Variants in CEP57L1 observed in about 807,000 individuals in gnomAD.
CEP57L1 encodes centrosomal protein 57 like 1, also known as centrosomal protein CEP57L1.
CEP57L1 carries 37 observed loss-of-function variants against 61.0 expected under a neutral mutation model. That is an observed-to-expected ratio of 0.61 (90% confidence interval 0.47 to 0.80). The LOEUF (loss-of-function observed/expected upper bound fraction) is 0.80. Among genes scored for constraint, CEP57L1 ranks in the 30% least tolerant of loss-of-function variants. CEP57L1 has a pLI of 0.00. For synonymous variants in CEP57L1, 137 were observed against 162.3 expected (o/e 0.84, Z 1.19); for missense variants, 422 against 524.7 (o/e 0.80, Z 1.91).
At chr6:109,104,414 G>A (rs886565601) in intron 1 of CEP57L1, among the ~76,000 whole-genome samples, 9 of 152,002 alleles carry the variant, frequency 5.9e-5, no homozygotes, top group Non-Finnish European at 5.9e-5. Flanking sequence ...TCATAAATTC[G>A]GAGAAGTGGA....
chr6:109,171,890 A>G lies in CEP57L1; in HGVS notation c.*8920A>G, dbSNP rs984005441. 1.3e-5 allele frequency among the ~76,000 whole-genome samples: 2 copies of G among 152,156 alleles called. No homozygotes were observed. The highest frequency in any genetic ancestry group is 2.9e-5 in the Non-Finnish European group (2 of 68,032). On this transcript the variant is annotated 3_prime_UTR_variant, in exon 11 of 11. Transcript: ENST00000517392. ...ATTTACAGGAAAGGCTCAAGGTTTC[A>G]TTTACATGGGAAATGAGAACTAGAC... is the stretch of plus-strand genomic sequence containing the variant.
rs942819844 is a variant in CEP57L1, at chr6:109,166,965, A to G, written c.*3995A>G. ...GATAAGTATAAGCTGACACTCAGAC[A>G]TATGACAAGACAACCTTCACTAAGG... On this transcript the variant is annotated 3_prime_UTR_variant, in exon 11 of 11. Transcript: ENST00000517392. 1.3e-5 allele frequency among the ~76,000 whole-genome samples: 2 copies of G among 152,240 alleles called. No homozygotes were observed. The highest frequency in any genetic ancestry group is 4.8e-5 in the African/African-American group (2 of 41,470).
chr6:109,121,296 T>C (rs1461395655), intron 1 of CEP57L1, among the ~76,000 whole-genome samples: 2 of 152,186 alleles, frequency 1.3e-5, no homozygotes, highest in Admixed American at 1.3e-4. Flanking sequence ...ACAATGAAAT[T>C]TGCAGTTTTA....
At chr6:109,116,127 G>GTGTTGTGTTA (rs1337661297) in intron 1 of CEP57L1, among the ~76,000 whole-genome samples, 6 of 135,372 alleles carry the variant, frequency 4.4e-5, no homozygotes, top group Admixed American at 7.6e-5. Context: ...GTTATGTGTT[G>GTGTTGTGTTA]TGTTATGTTA....
At chr6:109,110,290 A>G (rs1162138204) in intron 1 of CEP57L1, among the ~76,000 whole-genome samples, 1 of 152,194 alleles carries the variant, frequency 6.6e-6, no homozygotes, top group Non-Finnish European at 1.5e-5. Context: ...TCTAATGACC[A>G]GTGATGATGA....
At chr6:109,132,172 A>T (rs567791417) in intron 1 of CEP57L1, among the ~76,000 whole-genome samples, 1 of 152,306 alleles carries the variant, frequency 6.6e-6, no homozygotes, top group East Asian at 1.9e-4. Flanking sequence ...GTGCCTCAGG[A>T]TCCTAGCAGA....
rs1214214621 is a variant in CEP57L1 at position 109,164,497 on chromosome 6, A to G, written c.*1527A>G. Among the ~76,000 whole-genome samples, 1 of 152,060 alleles carries G rather than the reference A, an allele frequency of 6.6e-6. No homozygotes were observed. Among genetic ancestry groups the G allele is most frequent in the African/African-American group, 2.4e-5 (1 of 41,432 alleles). On this transcript the variant is annotated 3_prime_UTR_variant, in exon 11 of 11. Transcript: ENST00000517392. ...CCAGCTTTCACTCCCACTCATTCACACCCTTAGCTCCTCAGCCCTGGAGAT... is the reference window on the plus strand; with the variant it reads ...CCAGCTTTCACTCCCACTCATTCACGCCCTTAGCTCCTCAGCCCTGGAGAT...
chr6:109,098,124 T>TTC (rs1235348073), intron 1 of CEP57L1, among the ~76,000 whole-genome samples: 1 of 151,878 alleles, frequency 6.6e-6, no homozygotes, highest in Admixed American at 6.6e-5. Context: ...ATGACTACTT[T>TTC]TCTCTCTCTC....
rs1182566062 is a variant in CEP57L1, at chr6:109,166,162, C to T, written c.*3192C>T. On this transcript the variant is annotated 3_prime_UTR_variant, in exon 11 of 11. Transcript: ENST00000517392. Reference sequence around the variant, plus strand: ...AGGTTGTAGATAAAGACAGGAGGGTCAGAGGGAAATGTTCAGTTTTCAACA... The same window carrying T: ...AGGTTGTAGATAAAGACAGGAGGGTTAGAGGGAAATGTTCAGTTTTCAACA... Among the ~76,000 whole-genome samples, 1 of 152,026 alleles carries T rather than the reference C, an allele frequency of 6.6e-6. No homozygotes were observed. The highest frequency in any genetic ancestry group is 6.5e-5 in the Admixed American group (1 of 15,268).
chr6:109,149,821 A>G lies in CEP57L1; in HGVS notation c.341-297A>G, dbSNP rs556680221. ...GAGCAGTGGTTTGTAGTTCTCCTTG[A>G]AGAGGTCCTTTATGTCCCTTGTAAG... On this transcript the variant is annotated intron_variant, in intron 3 of 10. Coordinates refer to ENST00000517392, the MANE Select transcript of CEP57L1 (RefSeq NM_001271852.3). Among the ~76,000 whole-genome samples the G allele has an allele frequency of 3.3e-5, 5 of 152,238 alleles. No individual in the cohort carries two copies. In the South Asian group the frequency reaches 8.3e-4, roughly 25 times the overall value.
intron 1 of CEP57L1, among the ~76,000 whole-genome samples, chr6:109,105,412 T>A (rs1052403468): frequency 1.3e-5 from 2 of 152,214 alleles, no homozygotes; most frequent in African/African-American, 4.8e-5. Context: ...GTATAGTGAA[T>A]ATTGGCATAG....
Position 109,153,823 on chromosome 6 carries a change from T to G in CEP57L1, c.463-10T>G. 1 of 1,571,174 alleles carries G rather than the reference T, an allele frequency of 6.4e-7. No homozygotes were observed. The highest frequency in any genetic ancestry group is 8.7e-7 in the Non-Finnish European group (1 of 1,146,398). On this transcript the variant is annotated splice_polypyrimidine_tract_variant and intron_variant, in intron 4 of 10. Transcript: ENST00000517392. ...ATTCAGGGTTGCTATTTTATTTTTATCCTTTCTAGGCCCAGCTTCAGAGGG... is the reference window on the plus strand; with the variant it reads ...ATTCAGGGTTGCTATTTTATTTTTAGCCTTTCTAGGCCCAGCTTCAGAGGG...
At chr6:109,106,815 C>T (rs1157093438) in intron 1 of CEP57L1, among the ~76,000 whole-genome samples, 1 of 152,092 alleles carries the variant, frequency 6.6e-6, no homozygotes, top group Non-Finnish European at 1.5e-5. Flanking sequence ...TGGCACACAC[C>T]TGTAATCCCA....
chr6:109,138,619 T>C (rs1770998991), intron 1 of CEP57L1, among the ~76,000 whole-genome samples: 1 of 152,232 alleles, frequency 6.6e-6, no homozygotes, highest in Admixed American at 6.5e-5. Flanking sequence ...TGGTTTATAT[T>C]CCTGTCAGCT....
At chr6:109,148,274 C>T (rs922121766) in intron 3 of CEP57L1, among the ~76,000 whole-genome samples, 5 of 151,990 alleles carry the variant, frequency 3.3e-5, no homozygotes, top group African/African-American at 1.2e-4. Context: ...CCCTCTCCCC[C>T]CACCCCACAA....
chr6:109,104,240 G>T (rs991856114), intron 1 of CEP57L1, among the ~76,000 whole-genome samples: 4 of 151,418 alleles, frequency 2.6e-5, no homozygotes, highest in African/African-American at 9.7e-5. Flanking sequence ...TCAAATTTTA[G>T]CTGGTGTATA....
chr6:109,135,435 A>G (rs1405323226), intron 1 of CEP57L1, among the ~76,000 whole-genome samples: 1 of 152,246 alleles, frequency 6.6e-6, no homozygotes, highest in Admixed American at 6.5e-5. Flanking sequence ...AAAGACTTAA[A>G]TGTTAGACCT....
intron 1 of CEP57L1, among the ~76,000 whole-genome samples, chr6:109,096,527 G>T (rs537596332): frequency 1.3e-5 from 2 of 152,296 alleles, no homozygotes; most frequent in East Asian, 3.9e-4. Context: ...GCCAAATCAT[G>T]CATACTTGGC....
chr6:109,158,590 A>C (rs992697093), intron 7 of CEP57L1: 20 of 455,148 alleles, frequency 4.4e-5, no homozygotes, highest in Non-Finnish European at 8.4e-5. Context: ...ATAAGTTTTC[A>C]TTTTTCTAGG....
Sources: allele counts gnomAD v4.1 joint callset (sites outside exome capture counted in the v4.1 genomes callset), GRCh38; gene constraint gnomAD v4.1.1; transcripts MANE v1.5; gene names NCBI Gene and HGNC (gene_info 2026-07-23, HGNC 2026-07-21).